The following PLPPR1 variants were observed in gnomAD, a reference collection of about 807,000 sequenced individuals.
The protein encoded by PLPPR1 is phospholipid phosphatase related 1, also known as phospholipid phosphatase-related protein type 1.
Under a neutral mutation model 33.1 loss-of-function variants are expected in PLPPR1, and 10 were observed. That is an observed-to-expected ratio of 0.30 (90% confidence interval 0.19 to 0.51). The LOEUF (loss-of-function observed/expected upper bound fraction) is 0.51, where lower values mean the gene tolerates loss of function less well. PLPPR1 is among the 20% of genes least tolerant of loss of function. The pLI is 0.97. For missense variants in PLPPR1, 304 were observed against 408.1 expected, an observed-to-expected ratio of 0.74 and a Z score of 2.20; for synonymous variants, 151 against 151.0, an observed-to-expected ratio of 1.00 and a Z score of 0.00.
intron 2 of PLPPR1, among the ~76,000 whole-genome samples, chr9:101,211,361 A>G (rs938650553): frequency 6.6e-6 from 1 of 152,212 alleles, no homozygotes; most frequent in Non-Finnish European, 1.5e-5. Flanking sequence ...CTCTGAATTC[A>G]CATCTGAAAA....
intron 2 of PLPPR1, among the ~76,000 whole-genome samples, chr9:101,228,864 A>G (rs1360841148): frequency 6.6e-6 from 1 of 152,162 alleles, no homozygotes; most frequent in African/African-American, 2.4e-5. Flanking sequence ...TAGGAAGTTA[A>G]TAGAAACTCG....
At chr9:101,319,787 G>A (rs1829121191) in intron 7 of PLPPR1, among the ~76,000 whole-genome samples, 1 of 152,082 alleles carries the variant, frequency 6.6e-6, no homozygotes, top group Admixed American at 6.5e-5. Flanking sequence ...TCTATTTTGG[G>A]GTGGTAAAAT....
intron 1 of PLPPR1, among the ~76,000 whole-genome samples, chr9:101,064,330 A>G (rs191242592): frequency 4.1e-5 from 6 of 147,936 alleles, no homozygotes; most frequent in Admixed American, 2.1e-4. Flanking sequence ...AGAGTTTCTC[A>G]TGGGATTAAT....
At chr9:101,079,298 TA>T (rs1213397265) in intron 1 of PLPPR1, among the ~76,000 whole-genome samples, 2 of 152,222 alleles carry the variant, frequency 1.3e-5, no homozygotes, top group Non-Finnish European at 2.9e-5. Context: ...CTTTCTTGTG[TA>T]AAATCCTCTG....
chr9:101,319,468 TG>T (rs983332426), intron 7 of PLPPR1, among the ~76,000 whole-genome samples: 2 of 151,708 alleles, frequency 1.3e-5, no homozygotes, highest in African/African-American at 2.4e-5. Context: ...GGGCGGGGCT[TG>T]GGGGGGTTGG....
intron 1 of PLPPR1, among the ~76,000 whole-genome samples, chr9:101,164,123 A>G (rs1240450174): frequency 6.6e-6 from 1 of 152,098 alleles, no homozygotes; most frequent in Non-Finnish European, 1.5e-5. Context: ...CCTTTTTTTT[A>G]AATTATTTTT....
chr9:101,093,542 T>C (rs1347370260), intron 1 of PLPPR1, among the ~76,000 whole-genome samples: 1 of 152,210 alleles, frequency 6.6e-6, no homozygotes, highest in South Asian at 2.1e-4. Flanking sequence ...ATGTAATTAG[T>C]TCCTTGTCTG....
chr9:101,182,915 C>A (rs943975418), intron 1 of PLPPR1, among the ~76,000 whole-genome samples: 1 of 151,234 alleles, frequency 6.6e-6, no homozygotes, highest in African/African-American at 2.4e-5. Flanking sequence ...TTTTTATTAG[C>A]AAAATGAAAA....
At chr9:101,164,223 G>A (rs938156735) in intron 1 of PLPPR1, among the ~76,000 whole-genome samples, 2 of 152,154 alleles carry the variant, frequency 1.3e-5, no homozygotes, top group African/African-American at 4.8e-5. Context: ...TATCAGCTGT[G>A]TGAACCTGGG....
intron 3 of PLPPR1, among the ~76,000 whole-genome samples, chr9:101,279,146 G>A (rs1244767835): frequency 6.6e-6 from 1 of 152,152 alleles, no homozygotes; most frequent in Non-Finnish European, 1.5e-5. Context: ...TGTTTTTAAG[G>A]AAGCTCAATG....
At position 101,207,729 on chromosome 9, in the gene PLPPR1, T is replaced by C. The variant is rs189586110; in HGVS notation, c.63+22172T>C. Among the ~76,000 whole-genome samples the C allele has an allele frequency of 1.3e-4, 20 of 152,320 alleles. No homozygotes were observed. In the East Asian group the frequency reaches 3.5e-3, roughly 26 times the overall value. On this transcript the variant is annotated intron_variant, in intron 2 of 7. Transcript: ENST00000374874. ...CTGATAGAACCATTATCTACCTGTG[T>C]GGTCCTTCAAGAATTAGAGGAAGAA...
At chr9:101,317,879 G>A (rs1231918703) in intron 7 of PLPPR1, among the ~76,000 whole-genome samples, 1 of 152,190 alleles carries the variant, frequency 6.6e-6, no homozygotes, top group African/African-American at 2.4e-5. Context: ...GATGTAAGTT[G>A]GAGGCACATT....
chr9:101,063,655 G>C (rs144284111), intron 1 of PLPPR1, among the ~76,000 whole-genome samples: 1 of 151,952 alleles, frequency 6.6e-6, no homozygotes, highest in Non-Finnish European at 1.5e-5. Flanking sequence ...ACATCTCAGG[G>C]CCTTTGTCTA....
chr9:101,110,526 TTGAA>T (rs1831043227), intron 1 of PLPPR1, among the ~76,000 whole-genome samples: 1 of 152,148 alleles, frequency 6.6e-6, no homozygotes, highest in African/African-American at 2.4e-5. Context: ...ATAGCAAAAA[TTGAA>T]TGAAACCTAC....
chr9:101,273,806 T>C (rs900880677), intron 3 of PLPPR1, among the ~76,000 whole-genome samples: 2 of 152,212 alleles, frequency 1.3e-5, no homozygotes, highest in African/African-American at 4.8e-5. Flanking sequence ...GACATACCTC[T>C]AAAACAAATT....
At chr9:101,135,957 A>G (rs962277346) in intron 1 of PLPPR1, among the ~76,000 whole-genome samples, 1 of 152,224 alleles carries the variant, frequency 6.6e-6, no homozygotes, top group African/African-American at 2.4e-5. Context: ...AAGAGGAGGC[A>G]GGTCAGAAAC....
intron 1 of PLPPR1, among the ~76,000 whole-genome samples, chr9:101,159,906 T>G (rs1831751045): frequency 6.6e-6 from 1 of 152,204 alleles, no homozygotes; most frequent in African/African-American, 2.4e-5. Flanking sequence ...AGCTGGATGC[T>G]TAAGTCTGTA....
At chr9:101,184,282 G>A (rs1020299199) in intron 1 of PLPPR1, among the ~76,000 whole-genome samples, 6 of 151,804 alleles carry the variant, frequency 4.0e-5, no homozygotes, top group Admixed American at 3.3e-4. Flanking sequence ...TATTAAATTT[G>A]ATCAGAGAAA....
At chr9:101,043,084 A>G (rs1830096118) in intron 1 of PLPPR1, among the ~76,000 whole-genome samples, 1 of 151,864 alleles carries the variant, frequency 6.6e-6, no homozygotes, top group Admixed American at 6.6e-5. Context: ...CTGAGTCCCC[A>G]AAGTCCATTG....
Sources: allele counts gnomAD v4.1 joint callset (sites outside exome capture counted in the v4.1 genomes callset), GRCh38; gene constraint gnomAD v4.1.1; transcripts MANE v1.5; gene names NCBI Gene and HGNC (gene_info 2026-07-23, HGNC 2026-07-21).